Variants in TRPM3 observed in about 807,000 individuals in gnomAD.
TRPM3 encodes the protein transient receptor potential cation channel subfamily M member 3, also known as long transient receptor potential channel 3.
In TRPM3, 77 loss-of-function variants were observed where a neutral mutation model predicts 181.2. The ratio of observed to expected loss-of-function variants is 0.42; its 90% confidence interval spans 0.35 to 0.51. The LOEUF is 0.51. Ranked by LOEUF, TRPM3 falls within the 20% of genes least tolerant of loss-of-function variation. The pLI, the probability that TRPM3 is intolerant of heterozygous loss-of-function variation, is 0.01. For synonymous variants in TRPM3, 745 were observed against 796.4 expected (o/e 0.94, Z 1.09); for missense variants, 1,759 against 2,196.7 (o/e 0.80, Z 3.98).
At chr9:70,887,390 T>C (rs1166820011) in intron 1 of TRPM3, among the ~76,000 whole-genome samples, 1 of 152,184 alleles carries the variant, frequency 6.6e-6, no homozygotes, top group African/African-American at 2.4e-5. Flanking sequence ...TCATTACTCA[T>C]CTAAAGTGTT....
intron 8 of TRPM3, among the ~76,000 whole-genome samples, chr9:70,747,498 T>G (rs1206078954): frequency 6.6e-6 from 1 of 152,126 alleles, no homozygotes; most frequent in East Asian, 1.9e-4. Flanking sequence ...AACATTCTAC[T>G]TTACGTTCAA....
chr9:70,773,805 G>GA (rs2080827721), intron 7 of TRPM3, among the ~76,000 whole-genome samples: 1 of 151,992 alleles, frequency 6.6e-6, no homozygotes, highest in Non-Finnish European at 1.5e-5. Context: ...CAGAGTCGAC[G>GA]AAAAAATGGA....
At chr9:70,665,431 G>C (rs1322557820) in intron 9 of TRPM3, among the ~76,000 whole-genome samples, 1 of 152,100 alleles carries the variant, frequency 6.6e-6, no homozygotes, top group African/African-American at 2.4e-5. Flanking sequence ...CAAGCAGAAA[G>C]GACCACTGAA....
intron 1 of TRPM3, among the ~76,000 whole-genome samples, chr9:71,411,404 G>C (rs897404294): frequency 2.6e-5 from 4 of 152,164 alleles, no homozygotes; most frequent in Non-Finnish European, 5.9e-5. Flanking sequence ...CTTCAGCAAA[G>C]TCTCAGGATA....
At chr9:71,243,055 T>C (rs967724792) in intron 1 of TRPM3, among the ~76,000 whole-genome samples, 1 of 152,148 alleles carries the variant, frequency 6.6e-6, no homozygotes, top group African/African-American at 2.4e-5. Context: ...TTTTGTTTTG[T>C]TTGTTTCAGA....
At chr9:70,668,431 G>A (rs965064860) in intron 9 of TRPM3, among the ~76,000 whole-genome samples, 70 of 152,050 alleles carry the variant, frequency 4.6e-4, no homozygotes, top group Non-Finnish European at 4.6e-4. Context: ...TTGGGAGGCC[G>A]AGGCGGGCGG....
chr9:71,310,279 A>G (rs1436464896), intron 1 of TRPM3, among the ~76,000 whole-genome samples: 11 of 152,044 alleles, frequency 7.2e-5, no homozygotes, highest in Non-Finnish European at 2.9e-5. Flanking sequence ...GCAGTCAGGA[A>G]AAAAAAACCC....
chr9:71,396,318 A>AC (rs397829034), intron 1 of TRPM3, among the ~76,000 whole-genome samples: 4 of 151,410 alleles, frequency 2.6e-5, no homozygotes, highest in Non-Finnish European at 4.4e-5. Context: ...AAAAAAAAAA[A>AC]TCCTTAATTA....
intron 1 of TRPM3, among the ~76,000 whole-genome samples, chr9:71,265,301 A>C (rs1301727807): frequency 2.6e-5 from 4 of 152,224 alleles, no homozygotes; most frequent in Non-Finnish European, 5.9e-5. Flanking sequence ...CTATCTGAAT[A>C]TAAGTTACCT....
At chr9:70,799,731 G>A (rs2088343325) in intron 6 of TRPM3, among the ~76,000 whole-genome samples, 1 of 152,156 alleles carries the variant, frequency 6.6e-6, no homozygotes, top group Non-Finnish European at 1.5e-5. Context: ...AGGGACCAGT[G>A]CCAGTCAGTC....
At chr9:71,159,736 C>T (rs912005333) in intron 1 of TRPM3, among the ~76,000 whole-genome samples, 1 of 152,038 alleles carries the variant, frequency 6.6e-6, no homozygotes, top group African/African-American at 2.4e-5. Flanking sequence ...ATATTGCTTC[C>T]TTACTATTTG....
chr9:70,798,878 C>T (rs949118067), intron 6 of TRPM3, among the ~76,000 whole-genome samples: 1 of 152,156 alleles, frequency 6.6e-6, no homozygotes, highest in Non-Finnish European at 1.5e-5. Flanking sequence ...TGGTCAGAGA[C>T]CTAGAGAAGA....
Position 70,961,406 on chromosome 9 carries a change from G to T in TRPM3, c.178-96895C>A, listed in dbSNP as rs369022790. ...TAAGCTGTTAAGTTTGCAGTCATTT[G>T]TTACAGCAGCAATAGGAAACAATAG... On this transcript the variant is annotated intron_variant, in intron 1 of 25. Transcript: ENST00000677713. Among the ~76,000 whole-genome samples the T allele has an allele frequency of 1.1e-3, 173 of 152,222 alleles. 1 individual carries two copies. The highest frequency in any genetic ancestry group is 3.2e-3 in the African/African-American group (132 of 41,542).
At chr9:71,111,838 A>T (rs2071180425) in intron 1 of TRPM3, among the ~76,000 whole-genome samples, 1 of 152,172 alleles carries the variant, frequency 6.6e-6, no homozygotes. Flanking sequence ...CCTTCTTTCC[A>T]GCCACATGTA....
At chr9:71,333,897 A>T (rs1163204636) in intron 1 of TRPM3, among the ~76,000 whole-genome samples, 1 of 151,914 alleles carries the variant, frequency 6.6e-6, no homozygotes, top group East Asian at 1.9e-4. Context: ...GTTGAAAACC[A>T]ATTCGTTTAA....
At chr9:70,656,775 T>A (rs2060399527) in intron 9 of TRPM3, among the ~76,000 whole-genome samples, 1 of 152,150 alleles carries the variant, frequency 6.6e-6, no homozygotes, top group Non-Finnish European at 1.5e-5. Context: ...GAAAATAAAT[T>A]GTAGGAAAAC....
rs1339698170 is a variant in TRPM3 at position 70,841,661 on chromosome 9, T to TATATATATATAA, written c.801+1341_801+1342insTTATATATATAT. 2.4e-3 allele frequency among the ~76,000 whole-genome samples: 207 copies of TATATATATATAA among 86,048 alleles called. 7 individuals are homozygous for TATATATATATAA. Among genetic ancestry groups the TATATATATATAA allele is most frequent in the African/African-American group, 7.8e-3 (165 of 21,026 alleles). 56.5% of individuals were successfully genotyped at this position (86,048 alleles called of 152,430 possible). On this transcript the variant is annotated intron_variant, in intron 5 of 25. Coordinates refer to ENST00000677713, the MANE Select transcript of TRPM3 (RefSeq NM_001366145.2). ...ATATATATATATATATATATATATA[T>TATATATATATAA]CCCACCATATATATGTATATATAGA...
intron 1 of TRPM3, among the ~76,000 whole-genome samples, chr9:71,381,216 G>A (rs2092792484): frequency 6.6e-6 from 1 of 152,118 alleles, no homozygotes. Flanking sequence ...GAGGACAGGG[G>A]TGACTTTTTG....
intron 8 of TRPM3, among the ~76,000 whole-genome samples, chr9:70,753,884 A>T (rs1564134242): frequency 6.6e-6 from 1 of 152,160 alleles, no homozygotes; most frequent in Admixed American, 6.6e-5. Context: ...GGCCGCTGTC[A>T]GGGGAGTAGA....
Sources: gnomAD v4.1 joint callset for allele counts (sites outside exome capture counted in the v4.1 genomes callset) on GRCh38, gnomAD v4.1.1 for gene constraint, MANE v1.5 for transcripts, NCBI Gene and HGNC (gene_info 2026-07-23, HGNC 2026-07-21) for gene names.